KCNMA1: variants seen among roughly 807,000 people sequenced by gnomAD.
KCNMA1 encodes the protein Calcium-activated potassium channel subunit alpha-1.
In KCNMA1, 29 loss-of-function variants were observed where a neutral mutation model predicts 140.0. That is an observed-to-expected ratio of 0.21 (90% CI 0.15 to 0.28). The LOEUF (loss-of-function observed/expected upper bound fraction) is 0.28. Among genes scored for constraint, KCNMA1 ranks in the 10% least tolerant of loss-of-function variants. KCNMA1 has a pLI of 1.00. For missense variants in KCNMA1, 880 were observed against 1,602.2 expected, an observed-to-expected ratio of 0.55 and a Z score of 7.70; for synonymous variants, 612 against 611.9, an observed-to-expected ratio of 1.00 and a Z score of 0.00.
chr10:77,292,077 TAA>T (rs2154313235), intron 2 of KCNMA1, among the ~76,000 whole-genome samples: 1 of 152,298 alleles, frequency 6.6e-6, no homozygotes, highest in East Asian at 1.9e-4. Flanking sequence ...CCTGCACATA[TAA>T]AAGTGTCAGC....
chr10:77,051,463 T>C (rs2095362050), intron 14 of KCNMA1, among the ~76,000 whole-genome samples: 1 of 152,204 alleles, frequency 6.6e-6, no homozygotes, highest in Non-Finnish European at 1.5e-5. Context: ...CATTGTTATC[T>C]GGACAATCTC....
intron 19 of KCNMA1, among the ~76,000 whole-genome samples, chr10:76,988,268 G>A (rs1408208003): frequency 6.6e-6 from 1 of 152,158 alleles, no homozygotes; most frequent in Non-Finnish European, 1.5e-5. Context: ...CTTGCTCCAA[G>A]CACTCATCTA....
chr10:77,535,001 T>A (rs1439013285), intron 1 of KCNMA1, among the ~76,000 whole-genome samples: 2 of 152,194 alleles, frequency 1.3e-5, no homozygotes, highest in African/African-American at 2.4e-5. Flanking sequence ...CTACAACCTA[T>A]ATCTACAACC....
chr10:77,484,617 G>T (rs2098440297), intron 1 of KCNMA1, among the ~76,000 whole-genome samples: 1 of 152,198 alleles, frequency 6.6e-6, no homozygotes, highest in East Asian at 1.9e-4. Context: ...AGCAGAACCA[G>T]GATTCAAACT....
intron 23 of KCNMA1, chr10:76,939,880 G>T (rs919752801): frequency 1.3e-5 from 2 of 152,166 alleles, no homozygotes; most frequent in East Asian, 3.9e-4. Flanking sequence ...GAACCACAGG[G>T]AAACAGTCTG....
intron 2 of KCNMA1, among the ~76,000 whole-genome samples, chr10:77,269,335 C>T (rs988942496): frequency 6.6e-6 from 1 of 152,202 alleles, no homozygotes; most frequent in Non-Finnish European, 1.5e-5. Context: ...CTGTAGGTTA[C>T]AAGTGCATTT....
chr10:77,185,517 G>A (rs893655701), intron 3 of KCNMA1, among the ~76,000 whole-genome samples: 1 of 152,050 alleles, frequency 6.6e-6, no homozygotes, highest in African/African-American at 2.4e-5. Flanking sequence ...TGCAGGACTC[G>A]GATCTGGGGA....
chr10:77,323,765 C>T (rs1297867078), intron 2 of KCNMA1, among the ~76,000 whole-genome samples: 1 of 152,210 alleles, frequency 6.6e-6, no homozygotes, highest in Non-Finnish European at 1.5e-5. Flanking sequence ...CCCTAGCAGT[C>T]AAGTTCCATG....
intron 1 of KCNMA1, among the ~76,000 whole-genome samples, chr10:77,522,179 A>AAATAAATAAATG (rs2053635968): frequency 4.7e-5 from 2 of 42,934 alleles, no homozygotes; most frequent in South Asian, 1.6e-3. Context: ...CTCCATCTCA[A>AAATAAATAAATG]AATAAATAAA....
chr10:77,292,397 C>G (rs2154314164), intron 2 of KCNMA1, among the ~76,000 whole-genome samples: 1 of 152,342 alleles, frequency 6.6e-6, no homozygotes, highest in South Asian at 2.1e-4. Flanking sequence ...CCAGTCATTT[C>G]AGTGTTTTCA....
chr10:77,269,134 T>A (rs772779983), intron 2 of KCNMA1, among the ~76,000 whole-genome samples: 18 of 152,284 alleles, frequency 1.2e-4, no homozygotes, highest in Non-Finnish European at 2.1e-4. Flanking sequence ...AAGACCCCCT[T>A]TCCCCGAAAA....
At chr10:77,517,708 G>A (rs777611226) in intron 1 of KCNMA1, among the ~76,000 whole-genome samples, 13 of 152,142 alleles carry the variant, frequency 8.5e-5, no homozygotes, top group Non-Finnish European at 1.9e-4. Context: ...CCCACCGTCT[G>A]CCTTGCTTGC....
intron 1 of KCNMA1, among the ~76,000 whole-genome samples, chr10:77,513,707 G>A (rs1267632068): frequency 6.6e-6 from 1 of 152,214 alleles, no homozygotes; most frequent in African/African-American, 2.4e-5. Context: ...TTAAATATGT[G>A]AGGCCACAGG....
chr10:76,967,902 G>A (rs996286015), intron 20 of KCNMA1, among the ~76,000 whole-genome samples: 6 of 152,062 alleles, frequency 3.9e-5, no homozygotes, highest in Non-Finnish European at 7.3e-5. Context: ...CTCCAGCAAC[G>A]AATGAAAGCA....
intron 2 of KCNMA1, among the ~76,000 whole-genome samples, chr10:77,327,575 G>A (rs961100845): frequency 5.3e-5 from 8 of 151,990 alleles, no homozygotes; most frequent in Non-Finnish European, 1.2e-4. Context: ...GGCTGGTCTC[G>A]AACTCTTGAC....
At chr10:77,187,626 A>G (rs1269405294) in intron 3 of KCNMA1, among the ~76,000 whole-genome samples, 1 of 152,198 alleles carries the variant, frequency 6.6e-6, no homozygotes, top group Admixed American at 6.5e-5. Context: ...AGGTAATATG[A>G]GCATACCTCA....
At chr10:77,177,148 C>T (rs549223241) in intron 5 of KCNMA1, among the ~76,000 whole-genome samples, 2 of 152,250 alleles carry the variant, frequency 1.3e-5, no homozygotes, top group South Asian at 4.1e-4. Context: ...TGTTGGACTT[C>T]TCACCCACAG....
At chr10:77,300,824 C>T (rs1417034394) in intron 2 of KCNMA1, among the ~76,000 whole-genome samples, 1 of 152,198 alleles carries the variant, frequency 6.6e-6, no homozygotes, top group Non-Finnish European at 1.5e-5. Flanking sequence ...CCTTCAGGTG[C>T]TCTCAAACCT....
chr10:77,289,303 AAGTGTC>A (rs1336010435), intron 2 of KCNMA1, among the ~76,000 whole-genome samples: 1 of 152,200 alleles, frequency 6.6e-6, no homozygotes, highest in Admixed American at 6.5e-5. Context: ...TGCATGCCCT[AAGTGTC>A]TGAGAGGACC....
Sources: allele counts gnomAD v4.1 joint callset (sites outside exome capture counted in the v4.1 genomes callset), GRCh38; gene constraint gnomAD v4.1.1; transcripts MANE v1.5; gene names NCBI Gene and HGNC (gene_info 2026-07-23, HGNC 2026-07-21).